The following AK5 variants were observed in gnomAD, a reference collection of about 807,000 sequenced individuals.
AK5 encodes adenylate kinase isoenzyme 5.
AK5 carries 27 observed loss-of-function variants against 69.5 expected under a neutral mutation model. The observed-to-expected ratio is 0.39, with a 90% CI of 0.29 to 0.54. AK5 has a LOEUF of 0.54. Ranked by LOEUF, AK5 falls within the 20% of genes least tolerant of loss-of-function variation. The pLI, the probability that AK5 is intolerant of heterozygous loss-of-function variation, is 0.71. For synonymous variants in AK5, 260 were observed against 244.4 expected (o/e 1.06, Z -0.60); for missense variants, 531 against 700.4 (o/e 0.76, Z 2.73).
rs558460214 is a variant in AK5 at position 77,547,459 on chromosome 1, A to C, written c.1621-11143A>C. 3.9e-5 allele frequency among the ~76,000 whole-genome samples: 6 copies of C among 152,130 alleles called. No homozygotes were observed. The South Asian group carries it at 1.2e-3, about 32-fold the overall frequency. On this transcript the variant is annotated intron_variant, in intron 13 of 13. Coordinates refer to ENST00000354567, the MANE Select transcript of AK5 (RefSeq NM_174858.3). ...TGGCTAATTTTTGTATTTTTAGTAG[A>C]GACGGGGTTTCGCCATGTTGGCCAT...
chr1:77,527,362 A>G (rs894197092), intron 12 of AK5, among the ~76,000 whole-genome samples: 4 of 152,112 alleles, frequency 2.6e-5, no homozygotes, highest in Admixed American at 6.5e-5. Context: ...TATGAATTCA[A>G]ATGGTCCATG....
chr1:77,303,954 C>T (rs1659486685), intron 5 of AK5, among the ~76,000 whole-genome samples: 1 of 152,150 alleles, frequency 6.6e-6, no homozygotes, highest in Non-Finnish European at 1.5e-5. Flanking sequence ...ATAAGCACAT[C>T]ATGAAGAATG....
chr1:77,506,982 G>A (rs577304182), intron 10 of AK5, among the ~76,000 whole-genome samples: 1 of 152,000 alleles, frequency 6.6e-6, no homozygotes, highest in Non-Finnish European at 1.5e-5. Context: ...CTGGGTAAGA[G>A]GTTGAGACTC....
At chr1:77,442,790 T>G (rs1417909744) in intron 8 of AK5, among the ~76,000 whole-genome samples, 1 of 152,226 alleles carries the variant, frequency 6.6e-6, no homozygotes, top group Non-Finnish European at 1.5e-5. Context: ...ATAATTATCC[T>G]TGGCTGCAAG....
At chr1:77,358,316 A>G (rs1016378819) in intron 6 of AK5, among the ~76,000 whole-genome samples, 2 of 152,194 alleles carry the variant, frequency 1.3e-5, no homozygotes, top group African/African-American at 4.8e-5. Context: ...TTTACCCCCA[A>G]AAGCCTCAGT....
At chr1:77,338,919 G>A (rs1242162301) in intron 5 of AK5, among the ~76,000 whole-genome samples, 2 of 152,124 alleles carry the variant, frequency 1.3e-5, no homozygotes, top group African/African-American at 4.8e-5. Flanking sequence ...TAGAGGTTTA[G>A]CAAGATTAAA....
intron 10 of AK5, among the ~76,000 whole-genome samples, chr1:77,512,197 A>G (rs938841044): frequency 4.0e-4 from 61 of 152,228 alleles, no homozygotes; most frequent in African/African-American, 1.4e-3. Flanking sequence ...CTAGATACGT[A>G]TATCTTCACA....
intron 11 of AK5, among the ~76,000 whole-genome samples, chr1:77,518,933 C>T (rs1338300966): frequency 6.6e-6 from 1 of 152,190 alleles, no homozygotes; most frequent in Non-Finnish European, 1.5e-5. Flanking sequence ...GCCCAGGCTC[C>T]TTCCATCTTG....
intron 5 of AK5, among the ~76,000 whole-genome samples, chr1:77,324,990 T>TTTTTTTTTTTTTA (rs1557496814): frequency 1.3e-4 from 20 of 150,878 alleles, no homozygotes; most frequent in East Asian, 1.9e-4. Flanking sequence ...CTTTTTTTTT[T>TTTTTTTTTTTTTA]GAGACGGAGG....
chr1:77,438,958 C>T (rs1652137650), intron 8 of AK5, among the ~76,000 whole-genome samples: 1 of 152,080 alleles, frequency 6.6e-6, no homozygotes, highest in African/African-American at 2.4e-5. Context: ...AAAAAACTCA[C>T]CAAAGGGAGA....
At chr1:77,471,072 C>G (rs1031829883) in intron 8 of AK5, among the ~76,000 whole-genome samples, 1 of 150,350 alleles carries the variant, frequency 6.7e-6, no homozygotes, top group African/African-American at 2.5e-5. Flanking sequence ...TTAGTAGAGA[C>G]GTGGTTTCAC....
intron 12 of AK5, 69 bp downstream of exon 12, chr1:77,522,012 C>T (rs1658017824): frequency 2.5e-6 from 3 of 1,207,710 alleles, no homozygotes; most frequent in Non-Finnish European, 3.5e-6. Context: ...GGTGATAATT[C>T]AAAGTCTATT....
At chr1:77,363,177 A>G (rs764962018) in intron 6 of AK5, among the ~76,000 whole-genome samples, 16 of 152,090 alleles carry the variant, frequency 1.1e-4, no homozygotes, top group Admixed American at 6.6e-4. Flanking sequence ...CCCAACACAT[A>G]CAACCCTATG....
At chr1:77,340,861 G>T in intron 6 of AK5, 1 of 260,034 alleles carries the variant, frequency 3.8e-6, no homozygotes, top group Non-Finnish European at 7.3e-6. Context: ...AACTGTCTGG[G>T]TGATTGTAAG....
chr1:77,368,241 A>ATATATATTT (rs1391007543), intron 6 of AK5, among the ~76,000 whole-genome samples: 1 of 23,280 alleles, frequency 4.3e-5, no homozygotes, highest in Non-Finnish European at 1.1e-4. Context: ...ATATATATAT[A>ATATATATTT]TATATATATA....
chr1:77,351,960 G>C (rs6603941), intron 6 of AK5, among the ~76,000 whole-genome samples: 46,785 of 138,510 alleles, frequency 0.34, 7,597 homozygotes, highest in Middle Eastern at 0.44. Flanking sequence ...ATGGAGTTTC[G>C]CTCTTGTTGC....
intron 6 of AK5, among the ~76,000 whole-genome samples, chr1:77,344,065 T>A (rs1053416982): frequency 1.3e-5 from 2 of 152,236 alleles, no homozygotes; most frequent in Admixed American, 6.5e-5. Context: ...GTCTGAATAG[T>A]AACAGACATC....
intron 13 of AK5, among the ~76,000 whole-genome samples, chr1:77,538,836 G>A (rs74090635): frequency 3.8e-4 from 58 of 152,168 alleles, no homozygotes; most frequent in African/African-American, 1.3e-3. Flanking sequence ...GTGAGTACAG[G>A]GTTGAGTTCT....
At position 77,559,482 on chromosome 1, in the gene AK5, A is replaced by G. The variant is rs1044089925; in HGVS notation, c.*812A>G. ...CAAAAGTAACTTAAAAGCATGAGATATTTGCTATTTCATTCATTGGGCACA... is the reference window on the plus strand; with the variant it reads ...CAAAAGTAACTTAAAAGCATGAGATGTTTGCTATTTCATTCATTGGGCACA... On this transcript the variant is annotated 3_prime_UTR_variant, in exon 14 of 14. Coordinates refer to ENST00000354567, the MANE Select transcript of AK5 (RefSeq NM_174858.3). 1 of 152,128 alleles carries G rather than the reference A, an allele frequency of 6.6e-6. No homozygotes were observed. The highest frequency in any genetic ancestry group is 2.4e-5 in the African/African-American group (1 of 41,436). The allele number at this position is 152,128 out of a possible 1,614,324, so 9.4% of individuals were successfully genotyped here. A position where few individuals can be genotyped will look rare whatever the true frequency, so the allele number is the denominator to read the frequency against.
Sources: gnomAD v4.1 joint callset for allele counts (sites outside exome capture counted in the v4.1 genomes callset) on GRCh38, gnomAD v4.1.1 for gene constraint, MANE v1.5 for transcripts, NCBI Gene and HGNC (gene_info 2026-07-23, HGNC 2026-07-21) for gene names.